ELMO1: variants seen among roughly 807,000 people sequenced by gnomAD.
ELMO1 encodes the protein engulfment and cell motility 1.
Under a neutral mutation model 98.9 loss-of-function variants are expected in ELMO1, and 26 were observed. The observed-to-expected ratio is 0.26, with a 90% CI of 0.19 to 0.36. The LOEUF is 0.36. Among genes scored for constraint, ELMO1 ranks in the 10% least tolerant of loss-of-function variants. The pLI is 1.00. For synonymous variants in ELMO1, 346 were observed against 346.0 expected, an observed-to-expected ratio of 1.00 and a Z score of 0.00; for missense variants, 627 against 935.2, an observed-to-expected ratio of 0.67 and a Z score of 4.30.
chr7:37,140,143 T>C (rs112555122), intron 13 of ELMO1, among the ~76,000 whole-genome samples: 13,379 of 150,826 alleles, frequency 0.089, 962 homozygotes, highest in East Asian at 0.42. Flanking sequence ...TGGGAGGCCA[T>C]GGTGGGCAGA....
At chr7:37,392,789 A>G (rs1373716938) in intron 1 of ELMO1, among the ~76,000 whole-genome samples, 1 of 152,232 alleles carries the variant, frequency 6.6e-6, no homozygotes, top group African/African-American at 2.4e-5. Context: ...TCTGAGTACC[A>G]GTGGTCTTGA....
intron 14 of ELMO1, among the ~76,000 whole-genome samples, chr7:37,120,807 G>T (rs912510809): frequency 2.0e-5 from 3 of 152,216 alleles, no homozygotes; most frequent in Admixed American, 2.0e-4. Flanking sequence ...CTTGAGATCT[G>T]AGAATGGACA....
chr7:37,354,241 G>C (rs941734770), intron 1 of ELMO1, among the ~76,000 whole-genome samples: 1 of 152,080 alleles, frequency 6.6e-6, no homozygotes, highest in African/African-American at 2.4e-5. Context: ...CCAGACAAGT[G>C]AATGAATAAA....
chr7:36,955,596 A>G (rs1169845602), intron 16 of ELMO1, among the ~76,000 whole-genome samples: 2 of 152,234 alleles, frequency 1.3e-5, no homozygotes, highest in Non-Finnish European at 2.9e-5. Flanking sequence ...TTGGAAACAC[A>G]TGTACATCTT....
At chr7:37,097,709 G>A (rs1784435830) in intron 14 of ELMO1, among the ~76,000 whole-genome samples, 1 of 152,146 alleles carries the variant, frequency 6.6e-6, no homozygotes, top group Non-Finnish European at 1.5e-5. Context: ...TGTGGACTTA[G>A]GAGTTACCTG....
intron 5 of ELMO1, among the ~76,000 whole-genome samples, chr7:37,269,031 G>A (rs570093391): frequency 4.6e-5 from 7 of 152,256 alleles, no homozygotes; most frequent in Admixed American, 4.6e-4. Context: ...AAGGAACTTC[G>A]AAAGCTAGTA....
intron 4 of ELMO1, among the ~76,000 whole-genome samples, chr7:37,287,532 A>G (rs1797457065): frequency 6.6e-6 from 1 of 152,260 alleles, no homozygotes. Flanking sequence ...TGTGATAAAC[A>G]GTAATAAATG....
intron 1 of ELMO1, among the ~76,000 whole-genome samples, chr7:37,410,034 C>G (rs542086064): frequency 1.3e-5 from 2 of 152,152 alleles, no homozygotes; most frequent in Non-Finnish European, 2.9e-5. Flanking sequence ...TATTAAGCAA[C>G]GAAGCCAGGA....
At chr7:37,386,410 C>T (rs1384382399) in intron 1 of ELMO1, among the ~76,000 whole-genome samples, 1 of 151,956 alleles carries the variant, frequency 6.6e-6, no homozygotes, top group Non-Finnish European at 1.5e-5. Flanking sequence ...TCTGTCTCCC[C>T]ATAGTCCTTA....
intron 15 of ELMO1, among the ~76,000 whole-genome samples, chr7:37,024,647 A>G (rs1483433285): frequency 2.0e-5 from 3 of 152,044 alleles, no homozygotes; most frequent in Non-Finnish European, 1.5e-5. Flanking sequence ...TGTCCCTGAG[A>G]CTCTTCTACT....
intron 16 of ELMO1, among the ~76,000 whole-genome samples, chr7:37,007,576 T>G (rs1793232671): frequency 6.6e-6 from 1 of 152,220 alleles, no homozygotes; most frequent in Non-Finnish European, 1.5e-5. Flanking sequence ...TGCACCACTA[T>G]GAAGTTGAAC....
chr7:37,150,709 TG>T (rs776140009), intron 13 of ELMO1, among the ~76,000 whole-genome samples: 17 of 152,316 alleles, frequency 1.1e-4, no homozygotes, highest in South Asian at 2.1e-4. Context: ...ATGTATTTTT[TG>T]AATGCATTAA....
intron 15 of ELMO1, among the ~76,000 whole-genome samples, chr7:37,069,147 C>T (rs1584595126): frequency 6.6e-6 from 1 of 152,030 alleles, no homozygotes; most frequent in East Asian, 1.9e-4. Flanking sequence ...CATTCTAAAC[C>T]ACTAAGAGCT....
At chr7:36,915,258 GC>G (rs1363653839) in intron 16 of ELMO1, among the ~76,000 whole-genome samples, 2 of 152,134 alleles carry the variant, frequency 1.3e-5, no homozygotes, top group Non-Finnish European at 2.9e-5. Flanking sequence ...TAAACAATCA[GC>G]CCTACTAATA....
chr7:36,976,393 C>A (rs762341018), intron 16 of ELMO1, among the ~76,000 whole-genome samples: 2 of 152,222 alleles, frequency 1.3e-5, no homozygotes, highest in Non-Finnish European at 2.9e-5. Context: ...TTAAAAAATA[C>A]TTCCTGTGAA....
At chr7:37,354,918 T>C (rs1663472864) in intron 1 of ELMO1, among the ~76,000 whole-genome samples, 1 of 152,212 alleles carries the variant, frequency 6.6e-6, no homozygotes, top group African/African-American at 2.4e-5. Context: ...GAGCTCTAAC[T>C]ACCACCCCTA....
chr7:37,377,420 T>A (rs1403419785), intron 1 of ELMO1, among the ~76,000 whole-genome samples: 1 of 151,988 alleles, frequency 6.6e-6, no homozygotes, highest in Admixed American at 6.6e-5. Context: ...GTCAACACAG[T>A]GGCCTCACAC....
At chr7:37,268,870 C>A (rs1224294970) in intron 5 of ELMO1, among the ~76,000 whole-genome samples, 1 of 152,174 alleles carries the variant, frequency 6.6e-6, no homozygotes, top group East Asian at 1.9e-4. Context: ...ACAAAAAGAC[C>A]ACCTTTGACA....
chr7:37,244,274 A>T, intron 7 of ELMO1, 82 bp downstream of exon 7: 5 of 1,415,298 alleles, frequency 3.5e-6, no homozygotes, highest in Non-Finnish European at 4.9e-6. Flanking sequence ...ATAGTTATAC[A>T]ATCAGTCAGA....
Sources: gnomAD v4.1 joint callset for allele counts (sites outside exome capture counted in the v4.1 genomes callset) on GRCh38, gnomAD v4.1.1 for gene constraint, MANE v1.5 for transcripts, NCBI Gene and HGNC (gene_info 2026-07-23, HGNC 2026-07-21) for gene names.